The following CACNA1E variants were observed in gnomAD, a reference collection of about 807,000 sequenced individuals.
CACNA1E encodes the protein calcium voltage-gated channel subunit alpha1 E, also known as voltage-dependent R-type calcium channel subunit alpha-1E.
A neutral mutation model predicts 259.2 loss-of-function variants in CACNA1E; 40 were observed. That is an observed-to-expected ratio of 0.15 (90% CI 0.12 to 0.20). CACNA1E has a LOEUF of 0.20. Ranked by LOEUF, CACNA1E falls within the 10% of genes least tolerant of loss-of-function variation. CACNA1E has a pLI of 1.00. For synonymous variants in CACNA1E, 1,104 were observed against 1,138.5 expected (o/e 0.97, Z 0.61); for missense variants, 1,874 against 3,040.1 (o/e 0.62, Z 9.02).
chr1:181,343,452 G>T (rs1347512153), intron 1 of CACNA1E, among the ~76,000 whole-genome samples: 1 of 152,050 alleles, frequency 6.6e-6, no homozygotes, highest in Non-Finnish European at 1.5e-5. Context: ...TCCCCTCCTT[G>T]CTCCCTCTCT....
chr1:181,533,971 TA>T (rs1350802611), intron 3 of CACNA1E, among the ~76,000 whole-genome samples: 3 of 152,126 alleles, frequency 2.0e-5, no homozygotes, highest in Non-Finnish European at 4.4e-5. Context: ...TTAGATTATA[TA>T]GGTAGAAAAC....
At chr1:181,689,124 C>T (rs557021643) in intron 7 of CACNA1E, among the ~76,000 whole-genome samples, 1 of 152,276 alleles carries the variant, frequency 6.6e-6, no homozygotes, top group Admixed American at 6.5e-5. Flanking sequence ...CTATCCCTCC[C>T]CTACCCGCCC....
At chr1:181,745,529 G>A (rs1171791906) in intron 25 of CACNA1E, among the ~76,000 whole-genome samples, 1 of 151,998 alleles carries the variant, frequency 6.6e-6, no homozygotes, top group Admixed American at 6.6e-5. Context: ...GAAGAGCCCA[G>A]TACTGCTGGA....
chr1:181,404,550 A>T (rs929519255), intron 1 of CACNA1E, among the ~76,000 whole-genome samples: 2 of 152,242 alleles, frequency 1.3e-5, no homozygotes, highest in Non-Finnish European at 2.9e-5. Flanking sequence ...AAGAAAAAGC[A>T]TAAAACAGAA....
At position 181,699,171 on chromosome 1, in the gene CACNA1E, T is replaced by C. The variant is rs542035685; in HGVS notation, c.1056-11783T>C. ...AAGAAAGAATATGTACTTCTGAACGTTCTGATGCCTTTATCCATTCATGCA... is the reference window on the plus strand; with the variant it reads ...AAGAAAGAATATGTACTTCTGAACGCTCTGATGCCTTTATCCATTCATGCA... On this transcript the variant is annotated intron_variant, in intron 7 of 47. Transcript: ENST00000367573. Among the ~76,000 whole-genome samples the C allele has an allele frequency of 6.6e-5, 10 of 152,354 alleles. No individual in the cohort carries two copies. The East Asian group carries it at 1.9e-3, about 29-fold the overall frequency.
intron 7 of CACNA1E, among the ~76,000 whole-genome samples, chr1:181,695,902 T>C (rs1379486373): frequency 6.6e-6 from 1 of 152,064 alleles, no homozygotes; most frequent in Non-Finnish European, 1.5e-5. Flanking sequence ...TTGCAGTGAG[T>C]TGAGATTGCG....
intron 6 of CACNA1E, among the ~76,000 whole-genome samples, chr1:181,589,345 C>G (rs1428262163): frequency 6.6e-6 from 1 of 152,138 alleles, no homozygotes; most frequent in African/African-American, 2.4e-5. Flanking sequence ...TGAGGTCATG[C>G]GTTATTCAAT....
chr1:181,382,295 G>A (rs1196467079), intron 1 of CACNA1E, among the ~76,000 whole-genome samples: 1 of 152,186 alleles, frequency 6.6e-6, no homozygotes, highest in Non-Finnish European at 1.5e-5. Context: ...AAGGTAGTGT[G>A]AGACTGGGTT....
intron 2 of CACNA1E, among the ~76,000 whole-genome samples, chr1:181,460,233 A>T (rs1661714901): frequency 6.6e-6 from 1 of 152,196 alleles, no homozygotes; most frequent in South Asian, 2.1e-4. Context: ...TAGACTTTTA[A>T]AAAAGCTGAC....
At chr1:181,541,645 T>G (rs556322174) in intron 3 of CACNA1E, among the ~76,000 whole-genome samples, 74 of 152,222 alleles carry the variant, frequency 4.9e-4, no homozygotes, top group Non-Finnish European at 8.8e-4. Flanking sequence ...TGCTAAACCA[T>G]GTGGACATGC....
At chr1:181,495,832 A>T (rs1664697366) in intron 1 of CACNA1E, among the ~76,000 whole-genome samples, 1 of 152,246 alleles carries the variant, frequency 6.6e-6, no homozygotes, top group Non-Finnish European at 1.5e-5. Flanking sequence ...TGTTGATAGA[A>T]TTTATAAATA....
intron 44 of CACNA1E, among the ~76,000 whole-genome samples, chr1:181,791,907 T>G (rs866660283): frequency 1.3e-5 from 2 of 152,260 alleles, no homozygotes; most frequent in East Asian, 1.9e-4. Context: ...AAACACTCAG[T>G]AGCTCAAACA....
intron 2 of CACNA1E, among the ~76,000 whole-genome samples, chr1:181,444,000 C>A (rs917959465): frequency 6.6e-6 from 1 of 152,212 alleles, no homozygotes; most frequent in African/African-American, 2.4e-5. Flanking sequence ...TCTAAACAAA[C>A]TTCCTTTAAT....
chr1:181,779,517 G>T (rs1313493824), intron 38 of CACNA1E: 1 of 454,470 alleles, frequency 2.2e-6, no homozygotes, highest in African/African-American at 2.0e-5. Context: ...GGAGAGAACT[G>T]CCCCTACAGG....
Position 181,745,396 on chromosome 1 carries a change from C to T in CACNA1E, c.3720-5080C>T, listed in dbSNP as rs201505952. The T allele has an allele frequency of 3.4e-4, 166 of 484,500 alleles. No homozygotes were observed. In the Middle Eastern group the frequency reaches 4.1e-3, roughly 12 times the overall value. The allele number at this position is 484,500 out of a possible 1,614,324, so 30.0% of individuals were successfully genotyped here. ...GTTGGTTGTAAATGGGATCTCAGCC[C>T]GTGGCCACAGACCCAAGCAAAATGA... On this transcript the variant is annotated intron_variant, in intron 25 of 47. Coordinates refer to ENST00000367573, the MANE Select transcript of CACNA1E (RefSeq NM_001205293.3).
upstream of CACNA1E, among the ~76,000 whole-genome samples, chr1:181,482,268 G>T (rs1663325565): frequency 6.6e-6 from 1 of 152,244 alleles, no homozygotes; most frequent in Non-Finnish European, 1.5e-5. Flanking sequence ...GGGCGGCGGC[G>T]GGCCCGTGGC....
chr1:181,632,200 A>G lies in CACNA1E; in HGVS notation c.952-19138A>G, dbSNP rs146751285. 3.3e-5 allele frequency among the ~76,000 whole-genome samples: 5 copies of G among 151,452 alleles called. No individual in the cohort carries two copies. The East Asian group carries it at 9.6e-4, about 29-fold the overall frequency. ...CTCCACAGAGATATTCCTGAGGGATAGCAAGAGTGGGGAGCTAACCTGTTT... is the reference window on the plus strand; with the variant it reads ...CTCCACAGAGATATTCCTGAGGGATGGCAAGAGTGGGGAGCTAACCTGTTT... On this transcript the variant is annotated intron_variant, in intron 6 of 47. Coordinates refer to ENST00000367573, the MANE Select transcript of CACNA1E (RefSeq NM_001205293.3).
intron 3 of CACNA1E, among the ~76,000 whole-genome samples, chr1:181,532,334 G>A (rs59204582): frequency 0.083 from 12,653 of 152,276 alleles, 639 homozygotes; most frequent in South Asian, 0.25. Context: ...AATTAGCAAA[G>A]TGTTTGGTCT....
intron 7 of CACNA1E, among the ~76,000 whole-genome samples, chr1:181,692,964 A>C (rs2102332051): frequency 6.6e-6 from 1 of 151,988 alleles, no homozygotes; most frequent in Non-Finnish European, 1.5e-5. Context: ...AAAACAAACA[A>C]CCCCATTAAA....
Sources: gnomAD v4.1 joint callset for allele counts (sites outside exome capture counted in the v4.1 genomes callset) on GRCh38, gnomAD v4.1.1 for gene constraint, MANE v1.5 for transcripts, NCBI Gene and HGNC (gene_info 2026-07-23, HGNC 2026-07-21) for gene names.